The following AFAP1 variants were observed in gnomAD, a reference collection of about 807,000 sequenced individuals.
AFAP1 encodes the protein actin filament associated protein 1, also known as actin filament-associated protein 1.
Under a neutral mutation model 93.9 loss-of-function variants are expected in AFAP1, and 75 were observed. That is an observed-to-expected ratio of 0.80 (90% CI 0.66 to 0.97). The LOEUF (loss-of-function observed/expected upper bound fraction) is 0.97. AFAP1 is among the 50% of genes least tolerant of loss of function. The pLI, the probability that AFAP1 is intolerant of heterozygous loss-of-function variation, is 0.00. For missense variants in AFAP1, 1,201 were observed against 1,050.8 expected, an observed-to-expected ratio of 1.14 and a Z score of -1.98; for synonymous variants, 517 against 430.7, an observed-to-expected ratio of 1.20 and a Z score of -2.48.
At chr4:7,850,626 C>T (rs1447670901) in intron 4 of AFAP1, among the ~76,000 whole-genome samples, 1 of 152,250 alleles carries the variant, frequency 6.6e-6, no homozygotes, top group Admixed American at 6.5e-5. Context: ...GAGAAGGAAA[C>T]AGCAGGCCCA....
intron 1 of AFAP1, among the ~76,000 whole-genome samples, chr4:7,919,329 C>T (rs1305973485): frequency 6.6e-6 from 1 of 152,242 alleles, no homozygotes; most frequent in Non-Finnish European, 1.5e-5. Context: ...CAACACAGAG[C>T]TTCAGTCAGC....
intron 1 of AFAP1, among the ~76,000 whole-genome samples, chr4:7,885,199 T>G (rs750752947): frequency 2.0e-4 from 30 of 152,222 alleles, no homozygotes; most frequent in Non-Finnish European, 3.5e-4. Context: ...TTAATTAACC[T>G]GGACTGTGCT....
chr4:7,762,147 G>C lies in AFAP1; in HGVS notation c.*1618C>G, dbSNP rs748039026. The C allele has an allele frequency of 1.3e-5, 2 of 152,220 alleles. No individual in the cohort carries two copies. The highest frequency in any genetic ancestry group is 2.9e-5 in the Non-Finnish European group (2 of 68,048). 9.4% of individuals were successfully genotyped at this position (152,220 alleles called of 1,614,324 possible). On this transcript the variant is annotated 3_prime_UTR_variant, in exon 18 of 18. Coordinates refer to ENST00000420658, the MANE Select transcript of AFAP1 (RefSeq NM_001134647.2). Reference sequence around the variant, plus strand: ...CCGCTTTCCGCTTCAGTAATCCAACGTGGCCCTTGCAGGCCTCAAGCGCCA... The same window carrying C: ...CCGCTTTCCGCTTCAGTAATCCAACCTGGCCCTTGCAGGCCTCAAGCGCCA...
intron 1 of AFAP1, among the ~76,000 whole-genome samples, chr4:7,901,676 C>A (rs1577346550): frequency 6.6e-6 from 1 of 152,214 alleles, no homozygotes; most frequent in Non-Finnish European, 1.5e-5. Context: ...GAAAGGAATG[C>A]GCCTCCCTGT....
chr4:7,836,053 C>T (rs998546362), intron 6 of AFAP1, among the ~76,000 whole-genome samples: 5 of 152,022 alleles, frequency 3.3e-5, no homozygotes, highest in Non-Finnish European at 4.4e-5. Context: ...TGGGGACCCC[C>T]GTGAAAAAGA....
chr4:7,758,819 C>G lies in AFAP1; in HGVS notation c.*4946G>C, dbSNP rs1193732590. The stretch of plus-strand genomic sequence containing the variant: ...AATTCAACCAGGAAAGCAGGAAATT[C>G]AGTGAAGCTACTACAAAGTGGGGCG... On this transcript the variant is annotated 3_prime_UTR_variant, in exon 18 of 18. Transcript: ENST00000420658. The G allele has an allele frequency of 6.6e-5, 10 of 152,224 alleles. No homozygotes were observed. Among genetic ancestry groups the G allele is most frequent in the Admixed American group, 5.2e-4 (8 of 15,284 alleles). The allele number at this position is 152,224 out of a possible 1,614,324, so 9.4% of individuals were successfully genotyped here.
intron 5 of AFAP1, chr4:7,842,870 C>T (rs921924915): frequency 9.0e-6 from 4 of 442,792 alleles, no homozygotes; most frequent in African/African-American, 3.9e-5. Flanking sequence ...ACGCAAACCA[C>T]AGGCCCTGCC....
intron 9 of AFAP1, among the ~76,000 whole-genome samples, chr4:7,804,885 C>G (rs1025774328): frequency 6.6e-6 from 1 of 152,164 alleles, no homozygotes; most frequent in Non-Finnish European, 1.5e-5. Context: ...AAGCAGCTTT[C>G]GGAGAAACCA....
intron 1 of AFAP1, among the ~76,000 whole-genome samples, chr4:7,893,090 CG>C (rs1553852779): frequency 6.6e-6 from 1 of 151,890 alleles, no homozygotes; most frequent in Admixed American, 6.6e-5. Context: ...GCCCCGGTGC[CG>C]GGGGGGCAGA....
At chr4:7,767,665 AC>A (rs1714796661) in intron 17 of AFAP1, among the ~76,000 whole-genome samples, 1 of 152,058 alleles carries the variant, frequency 6.6e-6, no homozygotes, top group African/African-American at 2.4e-5. Flanking sequence ...GCTGGGGACA[AC>A]CATGTTTCTC....
chr4:7,904,693 G>GGTTTGTTT (rs139005886), intron 1 of AFAP1, among the ~76,000 whole-genome samples: 13 of 151,008 alleles, frequency 8.6e-5, no homozygotes, highest in Non-Finnish European at 1.9e-4. Context: ...TATTACAAAT[G>GGTTTGTTT]GTTTGTTTGT....
At chr4:7,839,768 G>A (rs946728791) in intron 5 of AFAP1, among the ~76,000 whole-genome samples, 2 of 151,948 alleles carry the variant, frequency 1.3e-5, no homozygotes, top group Non-Finnish European at 2.9e-5. Context: ...CCTTACCCCC[G>A]TTTGTTTACC....
At chr4:7,862,631 G>A (rs1577310693) in intron 3 of AFAP1, among the ~76,000 whole-genome samples, 1 of 152,146 alleles carries the variant, frequency 6.6e-6, no homozygotes. Flanking sequence ...AAGGAAACTT[G>A]GCTATAATCT....
At chr4:7,820,529 C>T (rs749225763) in intron 6 of AFAP1, among the ~76,000 whole-genome samples, 2 of 151,840 alleles carry the variant, frequency 1.3e-5, no homozygotes, top group South Asian at 2.1e-4. Context: ...CTGGAAGGCA[C>T]GGGAAAGCAG....
chr4:7,927,237 G>A (rs1029870869), intron 1 of AFAP1, among the ~76,000 whole-genome samples: 3 of 152,180 alleles, frequency 2.0e-5, no homozygotes, highest in African/African-American at 4.8e-5. Flanking sequence ...CATATCAGAC[G>A]CAAGGCTTGG....
chr4:7,863,872 G>A (rs922999843), intron 3 of AFAP1, among the ~76,000 whole-genome samples: 3 of 138,290 alleles, frequency 2.2e-5, no homozygotes, highest in Admixed American at 7.9e-5. Flanking sequence ...GTGCTTCAAC[G>A]CATGGGAAAT....
intron 1 of AFAP1, among the ~76,000 whole-genome samples, chr4:7,920,699 ACAAAT>A (rs1343032619): frequency 1.3e-5 from 2 of 152,244 alleles, no homozygotes; most frequent in African/African-American, 4.8e-5. Context: ...TCCCTAAAAG[ACAAAT>A]AGCCTGGGCT....
chr4:7,932,384 C>T (rs1361252112), intron 1 of AFAP1, among the ~76,000 whole-genome samples: 2 of 152,142 alleles, frequency 1.3e-5, no homozygotes, highest in Non-Finnish European at 2.9e-5. Flanking sequence ...GGGCTTTTTG[C>T]TTCAGCCTTG....
chr4:7,931,485 G>A (rs947525666), intron 1 of AFAP1, among the ~76,000 whole-genome samples: 12 of 151,864 alleles, frequency 7.9e-5, no homozygotes, highest in African/African-American at 2.9e-4. Context: ...TCAAATTATT[G>A]GGATCAGGTG....
Sources: gnomAD v4.1 joint callset for allele counts (sites outside exome capture counted in the v4.1 genomes callset) on GRCh38, gnomAD v4.1.1 for gene constraint, MANE v1.5 for transcripts, NCBI Gene and HGNC (gene_info 2026-07-23, HGNC 2026-07-21) for gene names.